The following MARCHF8 variants were observed in gnomAD, a reference collection of about 807,000 sequenced individuals.
MARCHF8 encodes the protein E3 ubiquitin-protein ligase MARCHF8.
Under a neutral mutation model 51.6 loss-of-function variants are expected in MARCHF8, and 40 were observed. The observed-to-expected ratio is 0.77, with a 90% confidence interval of 0.60 to 1.01. The LOEUF (loss-of-function observed/expected upper bound fraction) is 1.01, where lower values mean the gene tolerates loss of function less well. Ranked by LOEUF, MARCHF8 falls within the 50% of genes least tolerant of loss-of-function variation. MARCHF8 has a pLI of 0.00. For synonymous variants in MARCHF8, 263 were observed against 280.3 expected (o/e 0.94, Z 0.62); for missense variants, 685 against 708.6 (o/e 0.97, Z 0.38).
intron 1 of MARCHF8, among the ~76,000 whole-genome samples, chr10:45,589,291 C>T (rs942399358): frequency 6.6e-6 from 1 of 152,126 alleles, no homozygotes; most frequent in Non-Finnish European, 1.5e-5. Context: ...CCTCTGAAGG[C>T]CTCCATGTAT....
intron 1 of MARCHF8, among the ~76,000 whole-genome samples, chr10:45,588,471 C>A (rs2044642119): frequency 6.6e-6 from 1 of 152,048 alleles, no homozygotes; most frequent in Non-Finnish European, 1.5e-5. Flanking sequence ...ATAAAAGTTA[C>A]CAGAAAACCA....
At chr10:45,497,273 T>C (rs1424651697) in intron 2 of MARCHF8, among the ~76,000 whole-genome samples, 1 of 152,110 alleles carries the variant, frequency 6.6e-6, no homozygotes, top group Non-Finnish European at 1.5e-5. Context: ...TAATTATAAA[T>C]ATATAAGCAC....
upstream of MARCHF8, among the ~76,000 whole-genome samples, chr10:45,539,502 A>T (rs1438938733): frequency 6.6e-6 from 1 of 152,180 alleles, no homozygotes; most frequent in Admixed American, 6.5e-5. Context: ...GACACAAAAG[A>T]CCCTTCAAAA....
At chr10:45,572,172 TTCTC>T (rs1193965611) in intron 1 of MARCHF8, among the ~76,000 whole-genome samples, 9 of 103,162 alleles carry the variant, frequency 8.7e-5, no homozygotes, top group Admixed American at 4.2e-4. Context: ...CCCTTACCCC[TTCTC>T]TCTGTGTCCC....
intron 2 of MARCHF8, among the ~76,000 whole-genome samples, chr10:45,518,595 C>T (rs1024365599): frequency 1.5e-4 from 23 of 152,276 alleles, no homozygotes; most frequent in African/African-American, 4.8e-4. Flanking sequence ...ATACTCTAGA[C>T]GAGATATCCA....
intron 2 of MARCHF8, among the ~76,000 whole-genome samples, chr10:45,528,153 G>A (rs555169219): frequency 6.6e-6 from 1 of 152,052 alleles, no homozygotes; most frequent in African/African-American, 2.4e-5. Context: ...ATACTGAATG[G>A]GGAAAGGTTG....
intron 2 of MARCHF8, among the ~76,000 whole-genome samples, chr10:45,525,367 T>G (rs1469600599): frequency 1.3e-5 from 2 of 152,236 alleles, no homozygotes; most frequent in Non-Finnish European, 1.5e-5. Context: ...TTGAATTACC[T>G]TCTTACTTAT....
At chr10:45,464,614 A>G (rs1842908347) in intron 3 of MARCHF8, among the ~76,000 whole-genome samples, 1 of 152,228 alleles carries the variant, frequency 6.6e-6, no homozygotes, top group Non-Finnish European at 1.5e-5. Context: ...AAATTGAGTT[A>G]GTTCATATAT....
At chr10:45,461,759 A>G (rs1842796148) in intron 5 of MARCHF8, 1 of 169,358 alleles carries the variant, frequency 5.9e-6, no homozygotes, top group Non-Finnish European at 1.3e-5. Flanking sequence ...TAAAATAATT[A>G]GAGGGAAAAT....
chr10:45,483,356 A>T (rs1295071247), intron 3 of MARCHF8, among the ~76,000 whole-genome samples: 2 of 152,256 alleles, frequency 1.3e-5, no homozygotes, highest in Non-Finnish European at 2.9e-5. Context: ...AAAAAAAGAC[A>T]TGTAAATGAC....
chr10:45,540,443 T>C lies in MARCHF8; in HGVS notation c.-78-7154A>G, dbSNP rs555748129. On this transcript the variant is annotated intron_variant, in intron 1 of 6. Transcript: ENST00000319836. ...CAAGATGGATTAAAGACTTACATGT[T>C]AGACCTAAAACCATAAAAACCCTAG... is the stretch of plus-strand genomic sequence containing the variant. Among the ~76,000 whole-genome samples, 14 of 152,268 alleles carry C rather than the reference T, an allele frequency of 9.2e-5. 1 individual carries two copies. In the South Asian group the frequency reaches 2.3e-3, roughly 25 times the overall value.
At chr10:45,459,800 C>A (rs1385671258) in intron 6 of MARCHF8, 1 of 985,348 alleles carries the variant, frequency 1.0e-6, no homozygotes, top group Non-Finnish European at 1.2e-6. Context: ...GTTCCTGGTA[C>A]AAGCAGACTC....
intron 1 of MARCHF8, among the ~76,000 whole-genome samples, chr10:45,570,650 A>C (rs993231030): frequency 5.3e-5 from 8 of 152,222 alleles, no homozygotes; most frequent in African/African-American, 9.6e-5. Context: ...ACTACGCATA[A>C]ATATTTGAAA....
chr10:45,554,924 G>A (rs2044234957), intron 1 of MARCHF8, among the ~76,000 whole-genome samples: 1 of 152,234 alleles, frequency 6.6e-6, no homozygotes, highest in East Asian at 1.9e-4. Context: ...GCGTAGTGGT[G>A]CGCACCTGTT....
intron 3 of MARCHF8, among the ~76,000 whole-genome samples, chr10:45,469,099 T>C (rs1486624519): frequency 6.6e-6 from 1 of 151,738 alleles, no homozygotes; most frequent in Non-Finnish European, 1.5e-5. Context: ...GAAAGAAATA[T>C]CAGCAATCAT....
At chr10:45,532,069 C>T (rs771486255) in intron 2 of MARCHF8, among the ~76,000 whole-genome samples, 2 of 152,310 alleles carry the variant, frequency 1.3e-5, no homozygotes, top group East Asian at 1.9e-4. Flanking sequence ...CTGGGCTCCA[C>T]GACACCCTGA....
At chr10:45,482,795 C>T (rs778564619) in intron 3 of MARCHF8, among the ~76,000 whole-genome samples, 9 of 152,102 alleles carry the variant, frequency 5.9e-5, no homozygotes, top group Non-Finnish European at 1.2e-4. Context: ...AACCCAGATA[C>T]ACAGAACAAT....
intron 2 of MARCHF8, among the ~76,000 whole-genome samples, chr10:45,516,865 C>A (rs190522169): frequency 6.6e-5 from 10 of 152,324 alleles, no homozygotes; most frequent in Non-Finnish European, 7.3e-5. Context: ...GAGCCTCAAT[C>A]CTATAAAATG....
At chr10:45,515,990 C>T (rs2043612054) in intron 2 of MARCHF8, among the ~76,000 whole-genome samples, 1 of 152,206 alleles carries the variant, frequency 6.6e-6, no homozygotes, top group East Asian at 1.9e-4. Context: ...CAGAAAGTGT[C>T]TAGCCCAAGT....
Sources: gnomAD v4.1 joint callset for allele counts (sites outside exome capture counted in the v4.1 genomes callset) on GRCh38, gnomAD v4.1.1 for gene constraint, MANE v1.5 for transcripts, NCBI Gene and HGNC (gene_info 2026-07-23, HGNC 2026-07-21) for gene names.